Variants in KCNQ1 observed in about 807,000 individuals in gnomAD.
The protein encoded by KCNQ1 is potassium voltage-gated channel subfamily KQT member 1.
A neutral mutation model predicts 72.4 loss-of-function variants in KCNQ1; 49 were observed. The ratio of observed to expected loss-of-function variants is 0.68; its 90% confidence interval spans 0.54 to 0.86. KCNQ1 has a LOEUF of 0.86. Among genes scored for constraint, KCNQ1 ranks in the 40% least tolerant of loss-of-function variants. The probability of loss-of-function intolerance (pLI) is 0.00; values close to 1 mark genes in which losing one functional copy is unlikely to be tolerated. For missense variants in KCNQ1, 790 were observed against 945.1 expected (o/e 0.84, Z 2.15); for synonymous variants, 450 against 412.6 (o/e 1.09, Z -1.10).
chr11:2,519,643 AAAAC>A (rs1387864255), intron 1 of KCNQ1, among the ~76,000 whole-genome samples: 4 of 138,818 alleles, frequency 2.9e-5, no homozygotes, highest in East Asian at 2.2e-4. Flanking sequence ...AACAAAACAA[AAAAC>A]CAAAAAACAA....
chr11:2,570,784 G>A lies in KCNQ1; in HGVS notation c.604+30G>A, dbSNP rs375738245. ...GTCATGCCTGCCCTGTGGAGGTCAC[G>A]CCCAGGTTTCCAGACCAGGAAGGAC... On this transcript the variant is annotated intron_variant, in intron 3 of 15. Coordinates refer to ENST00000155840, the MANE Select transcript of KCNQ1 (RefSeq NM_000218.3). 2.6e-5 allele frequency: 41 copies of A among 1,606,892 alleles called. 2 individuals carry two copies. The African/African-American group carries it at 3.9e-4, about 15-fold the overall frequency.
In KCNQ1 at chr11:2,772,963, A is replaced by G. The variant is rs537013556; in HGVS notation, c.1591-2997A>G. On this transcript the variant is annotated intron_variant, in intron 12 of 15. Transcript: ENST00000155840. The surrounding 1 kb of genome is among the most constrained non-coding windows in gnomAD (Gnocchi z 6.6). ...ACCACCATGACTCATGCCATGTTCA[A>G]TGTGTTCTGAAGAGAGGCTTCGGCC... Among the ~76,000 whole-genome samples the G allele has an allele frequency of 9.9e-5, 15 of 152,192 alleles. No homozygotes were observed. The highest frequency in any genetic ancestry group is 2.6e-4 in the African/African-American group (11 of 41,524).
rs1235627865 is a variant in KCNQ1, at chr11:2,734,043, T to C, written c.1515-34801T>C. The stretch of plus-strand genomic sequence containing the variant: ...CTCTAAATCAGGACCACCTTGCGGT[T>C]CTCCCAGCCCCAGCCTTGCCTTTCT... On this transcript the variant is annotated intron_variant, in intron 11 of 15. Coordinates refer to ENST00000155840, the MANE Select transcript of KCNQ1 (RefSeq NM_000218.3). This position sits in a 1 kb window ranked among gnomAD's most constrained non-coding sequence, Gnocchi z 7.0. Among the ~76,000 whole-genome samples, 1 of 152,012 alleles carries C rather than the reference T, an allele frequency of 6.6e-6. No homozygotes were observed. The highest frequency in any genetic ancestry group is 1.9e-4 in the East Asian group (1 of 5,162).
At position 2,661,663 on chromosome 11, in the gene KCNQ1, C is replaced by T; in HGVS notation, c.1394-298C>T. 1.7e-6 allele frequency: 1 copy of T among 596,590 alleles called. No individual in the cohort carries two copies. Among genetic ancestry groups the T allele is most frequent in the Non-Finnish European group, 3.0e-6 (1 of 334,574 alleles). The allele number at this position is 596,590 out of a possible 1,614,324, so 37.0% of individuals were successfully genotyped here. A position where few individuals can be genotyped will look rare whatever the true frequency, so the allele number is the denominator to read the frequency against. The stretch of plus-strand genomic sequence containing the variant: ...TGTCAGTTGTGAACATGGGAAGAGG[C>T]CCAGAACCTGAGGTGGGGAGAGTCT... On this transcript the variant is annotated intron_variant, in intron 10 of 15. Coordinates refer to ENST00000155840, the MANE Select transcript of KCNQ1 (RefSeq NM_000218.3). The surrounding 1 kb of genome is among the most constrained non-coding windows in gnomAD (Gnocchi z 5.9).
rs1564916600 is a variant in KCNQ1 at position 2,847,978 on chromosome 11, G to C, written c.2006G>C (p.Arg669Thr). The C allele has an allele frequency of 6.4e-7, 1 of 1,554,418 alleles. No homozygotes were observed. Among genetic ancestry groups the C allele is most frequent in the South Asian group, 1.2e-5 (1 of 84,250 alleles). Residue 669 changes from arginine (R) to threonine (T), a missense_variant, in exon 16 of 16, where the codon AGG becomes ACG. By Grantham distance (71) the Arg-to-Thr change is moderately conservative. Coordinates refer to ENST00000155840, the MANE Select transcript of KCNQ1 (RefSeq NM_000218.3). Reference protein sequence around the residue: ...LPTYEQLTVPRRGPDEGS With the variant: ...LPTYEQLTVPTRGPDEGS ...ACCTACGAGCAGCTGACCGTGCCCA[G>C]GAGGGGCCCCGATGAGGGGTCCTGA...
intron 1 of KCNQ1, among the ~76,000 whole-genome samples, chr11:2,448,827 C>G (rs146759200): frequency 6.6e-6 from 1 of 152,208 alleles, no homozygotes; most frequent in Non-Finnish European, 1.5e-5. Flanking sequence ...ATCGCAGACC[C>G]GGCCCAGTGT....
intron 11 of KCNQ1, among the ~76,000 whole-genome samples, chr11:2,702,340 G>A (rs755289257): frequency 6.6e-6 from 1 of 152,172 alleles, no homozygotes; most frequent in Non-Finnish European, 1.5e-5. Flanking sequence ...CCTCGCTCTT[G>A]GACACAGAGC....
chr11:2,607,577 C>T (rs1848901544), intron 10 of KCNQ1, among the ~76,000 whole-genome samples: 1 of 152,110 alleles, frequency 6.6e-6, no homozygotes, highest in African/African-American at 2.4e-5. Context: ...GAAAGCGAGT[C>T]CTCTCCAGAT....
chr11:2,694,863 G>T lies in KCNQ1; in HGVS notation c.1514+32782G>T, dbSNP rs891388764. On this transcript the variant is annotated intron_variant, in intron 11 of 15. Transcript: ENST00000155840. ...CAGGTCAGAGCAAAATTTCCTGTGA[G>T]ATTTAAATAAGAAGAAGGAATTGTC... 3 of 398,560 alleles carry T rather than the reference G, an allele frequency of 7.5e-6. No homozygotes were observed. In the Admixed American group the frequency reaches 1.3e-4, roughly 18 times the overall value. 24.7% of individuals were successfully genotyped at this position (398,560 alleles called of 1,614,324 possible).
intron 10 of KCNQ1, chr11:2,615,617 T>G (rs1849048066): frequency 2.5e-6 from 1 of 397,954 alleles, no homozygotes; most frequent in South Asian, 1.3e-4. Context: ...CAAATGCTTG[T>G]TCTGAGTGAA....
In KCNQ1 at chr11:2,515,108, C is replaced by T. The variant is rs898813086; in HGVS notation, c.387-12820C>T. The stretch of plus-strand genomic sequence containing the variant: ...GCGTAATGGTGGGGTTTGGGCTTCT[C>T]GTGCGCCCATCAGCCGGATATTGGA... On this transcript the variant is annotated intron_variant, in intron 1 of 15. Coordinates refer to ENST00000155840, the MANE Select transcript of KCNQ1 (RefSeq NM_000218.3). This position sits in a 1 kb window ranked among gnomAD's most constrained non-coding sequence, Gnocchi z 4.7. Among the ~76,000 whole-genome samples, 65 of 152,194 alleles carry T rather than the reference C, an allele frequency of 4.3e-4. 1 individual carries two copies. The highest frequency in any genetic ancestry group is 2.1e-4 in the South Asian group (1 of 4,826).
intron 15 of KCNQ1, among the ~76,000 whole-genome samples, chr11:2,801,842 G>A (rs1179960753): frequency 6.6e-6 from 1 of 152,250 alleles, no homozygotes; most frequent in East Asian, 1.9e-4. Flanking sequence ...CGCCAGGGAA[G>A]ACCAGCAGTG....
At chr11:2,604,771 C>T (rs758539281) in intron 10 of KCNQ1, among the ~76,000 whole-genome samples, 44 of 152,072 alleles carry the variant, frequency 2.9e-4, no homozygotes, top group Non-Finnish European at 6.0e-4. Context: ...TCTCGATCTC[C>T]TGACCTCGTG....
chr11:2,496,974 TG>T (rs1452359272), intron 1 of KCNQ1, among the ~76,000 whole-genome samples: 1 of 152,180 alleles, frequency 6.6e-6, no homozygotes, highest in Non-Finnish European at 1.5e-5. Flanking sequence ...CTTTTCTTTA[TG>T]AATGTTGAAT....
At chr11:2,649,729 C>A (rs1319391016) in intron 10 of KCNQ1, 2 of 398,268 alleles carry the variant, frequency 5.0e-6, no homozygotes, top group African/African-American at 4.1e-5. Flanking sequence ...TTTTTAAATT[C>A]TCTCTTTGAT....
intron 8 of KCNQ1, among the ~76,000 whole-genome samples, chr11:2,586,835 G>T (rs1031777256): frequency 4.6e-5 from 7 of 152,236 alleles, no homozygotes; most frequent in Admixed American, 4.6e-4. Context: ...GGCTCATGTG[G>T]CCAGTGATGA....
rs548170024 is a variant in KCNQ1, at chr11:2,518,879, C to T, written c.387-9049C>T. On this transcript the variant is annotated intron_variant, in intron 1 of 15. Coordinates refer to ENST00000155840, the MANE Select transcript of KCNQ1 (RefSeq NM_000218.3). ...ATGGGGTGGCCACGGGAGCCCTGGG[C>T]CAAGGAGGCCCAGTCTGGTGGGGAG... Among the ~76,000 whole-genome samples, 4 of 152,312 alleles carry T rather than the reference C, an allele frequency of 2.6e-5. No homozygotes were observed. The East Asian group carries it at 7.7e-4, about 29-fold the overall frequency.
rs1259980581 is a variant in KCNQ1, at chr11:2,536,791, G to A, written c.477+8773G>A. Among the ~76,000 whole-genome samples, 5 of 151,206 alleles carry A rather than the reference G, an allele frequency of 3.3e-5. No homozygotes were observed. Among genetic ancestry groups the A allele is most frequent in the Non-Finnish European group, 4.4e-5 (3 of 68,026 alleles). ...GACCCCAGGCTGGGCGGCTTAAACC[G>A]TGGAGGTCGCCCTCTCACAGCTCTG... On this transcript the variant is annotated intron_variant, in intron 2 of 15. Transcript: ENST00000155840. This position sits in a 1 kb window ranked among gnomAD's most constrained non-coding sequence, Gnocchi z 7.4.
chr11:2,549,694 G>T lies in KCNQ1; in HGVS notation c.478-20934G>T, dbSNP rs1177815721. On this transcript the variant is annotated intron_variant, in intron 2 of 15. Coordinates refer to ENST00000155840, the MANE Select transcript of KCNQ1 (RefSeq NM_000218.3). This position sits in a 1 kb window ranked among gnomAD's most constrained non-coding sequence, Gnocchi z 6.2. Reference sequence around the variant, plus strand: ...GGGAACAAGAGGCGTTTTGTGTTCTGCATGGGTGGCCCTGGGCTCCCCAGG... The same window carrying T: ...GGGAACAAGAGGCGTTTTGTGTTCTTCATGGGTGGCCCTGGGCTCCCCAGG... Among the ~76,000 whole-genome samples the T allele has an allele frequency of 6.6e-6, 1 of 152,082 alleles. No individual in the cohort carries two copies. Among genetic ancestry groups the T allele is most frequent in the Non-Finnish European group, 1.5e-5 (1 of 67,972 alleles).
Sources: gnomAD v4.1 joint callset for allele counts (sites outside exome capture counted in the v4.1 genomes callset) on GRCh38, gnomAD v4.1.1 for gene constraint, Gnocchi (gnomAD v3.1) non-coding constraint, MANE v1.5 for transcripts, NCBI Gene and HGNC (gene_info 2026-07-23, HGNC 2026-07-21) for gene names.